ZNF251: variants seen among roughly 807,000 people sequenced by gnomAD.
ZNF251 encodes zinc finger protein 251.
Under a neutral mutation model 13.5 loss-of-function variants are expected in ZNF251, and 14 were observed. That is an observed-to-expected ratio of 1.04 (90% CI 0.69 to 1.63). ZNF251 has a LOEUF of 1.63. Among genes scored for constraint, ZNF251 ranks in the 40% most tolerant of loss-of-function variants. The probability of loss-of-function intolerance (pLI) is 0.00; values close to 1 mark genes in which losing one functional copy is unlikely to be tolerated. For missense variants in ZNF251, 764 were observed against 834.9 expected (o/e 0.92, Z 1.05); for synonymous variants, 287 against 295.2 (o/e 0.97, Z 0.28).
At chr8:144,746,506 T>G (rs1422203648) in intron 4 of ZNF251, among the ~76,000 whole-genome samples, 1 of 152,258 alleles carries the variant, frequency 6.6e-6, no homozygotes, top group African/African-American at 2.4e-5. Flanking sequence ...TGACCTCATA[T>G]GAGTTAGGAA....
intron 4 of ZNF251, among the ~76,000 whole-genome samples, chr8:144,728,794 T>TA (rs994573662): frequency 1.1e-4 from 17 of 149,404 alleles, no homozygotes; most frequent in African/African-American, 1.5e-4. Flanking sequence ...CTTCAATTTG[T>TA]AAAAAAAAAT....
Position 144,754,782 on chromosome 8 carries a change from C to T in ZNF251, c.-54G>A. The T allele has an allele frequency of 6.3e-7, 1 of 1,595,242 alleles. No individual in the cohort carries two copies. The highest frequency in any genetic ancestry group is 2.3e-5 in the East Asian group (1 of 44,208). ...AAGAGAAGACAGGAGACTGCCCTGG[C>T]CTGAAGTCTCCCCGAACTTACCTTC... On this transcript the variant is annotated 5_prime_UTR_variant, in exon 2 of 5. Coordinates refer to ENST00000292562, the MANE Select transcript of ZNF251 (RefSeq NM_138367.2).
intron 4 of ZNF251, among the ~76,000 whole-genome samples, chr8:144,733,539 A>G (rs112609328): frequency 0.031 from 4,687 of 152,226 alleles, 243 homozygotes; most frequent in African/African-American, 0.11. Flanking sequence ...AACCCCACCT[A>G]CACACAGCTG....
At chr8:144,737,953 T>C (rs1250914712) in intron 4 of ZNF251, among the ~76,000 whole-genome samples, 2 of 152,036 alleles carry the variant, frequency 1.3e-5, no homozygotes, top group Non-Finnish European at 2.9e-5. Context: ...GCAGATCCTA[T>C]TAATCGTTAA....
intron 4 of ZNF251, among the ~76,000 whole-genome samples, chr8:144,753,086 A>C (rs193190600): frequency 3.3e-5 from 5 of 152,138 alleles, no homozygotes; most frequent in Admixed American, 1.3e-4. Context: ...CAGTTTGGGC[A>C]ACGTGGTGAA....
At position 144,723,299 on chromosome 8, in the gene ZNF251, T is replaced by C. The variant is rs904912472; in HGVS notation, c.361A>G (p.Arg121Gly). ...TGTGCATTATCCCTTAAGAGTCTTC[T>C]TGATACAAATTCTGGGGTTTTTACT... ...EEVKTPEFVS[R>G]RLLRDNAQAA... is the part of the protein sequence containing the mutation. The change falls in exon 5 of 5, where the codon AGA (arginine) becomes GGA (glycine). Residue 121 changes from arginine to glycine, a missense_variant. Coordinates refer to ENST00000292562, the MANE Select transcript of ZNF251 (RefSeq NM_138367.2). 8.3e-6 allele frequency: 13 copies of C among 1,569,068 alleles called. No individual in the cohort carries two copies. Among genetic ancestry groups the C allele is most frequent in the African/African-American group, 2.8e-5 (2 of 72,552 alleles).
chr8:144,730,285 A>G (rs1823655978), intron 4 of ZNF251, among the ~76,000 whole-genome samples: 2 of 152,130 alleles, frequency 1.3e-5, no homozygotes, highest in African/African-American at 4.8e-5. Flanking sequence ...TAAGACAGCC[A>G]CGGAAAGCAC....
At chr8:144,737,212 C>A (rs1235623610) in intron 4 of ZNF251, among the ~76,000 whole-genome samples, 1 of 152,070 alleles carries the variant, frequency 6.6e-6, no homozygotes, top group Admixed American at 6.6e-5. Context: ...ATCCTCCCAC[C>A]TCAGCCTCCC....
At chr8:144,727,278 A>G (rs996683127) in intron 4 of ZNF251, among the ~76,000 whole-genome samples, 1 of 152,140 alleles carries the variant, frequency 6.6e-6, no homozygotes, top group African/African-American at 2.4e-5. Context: ...TAAACAATAC[A>G]ATTTGTGTAC....
intron 4 of ZNF251, among the ~76,000 whole-genome samples, chr8:144,751,377 G>A (rs1824685759): frequency 6.6e-6 from 1 of 151,924 alleles, no homozygotes; most frequent in Non-Finnish European, 1.5e-5. Context: ...TTATCACATT[G>A]TCTTTCTGAG....
intron 4 of ZNF251, among the ~76,000 whole-genome samples, chr8:144,739,290 A>G (rs571199510): frequency 4.7e-4 from 68 of 143,750 alleles, no homozygotes; most frequent in African/African-American, 1.7e-3. Context: ...CTAGGATCAC[A>G]AATCACGACT....
chr8:144,732,669 G>T (rs566276024), intron 4 of ZNF251, among the ~76,000 whole-genome samples: 1 of 152,040 alleles, frequency 6.6e-6, no homozygotes, highest in Non-Finnish European at 1.5e-5. Context: ...AAAATTAGCT[G>T]GGTGTGGTGG....
chr8:144,732,701 A>G (rs1282007135), intron 4 of ZNF251, among the ~76,000 whole-genome samples: 2 of 151,908 alleles, frequency 1.3e-5, no homozygotes, highest in South Asian at 2.1e-4. Flanking sequence ...AGTCCCAGCT[A>G]CTTGGGAGGC....
At position 144,753,665 on chromosome 8, in the gene ZNF251, C is replaced by T. The variant is rs1824809783; in HGVS notation, c.277+18G>A. 1 of 1,544,986 alleles carries T rather than the reference C, an allele frequency of 6.5e-7. No homozygotes were observed. On this transcript the variant is annotated intron_variant, in intron 4 of 4. Transcript: ENST00000292562. ...ATTGGGAGGCTGCTCCCAGGATTAG[C>T]ATCCCATCCATTCTCACCTTTCTGG...
intron 4 of ZNF251, among the ~76,000 whole-genome samples, chr8:144,744,322 C>T (rs770432262): frequency 3.3e-5 from 5 of 152,126 alleles, no homozygotes; most frequent in Non-Finnish European, 5.9e-5. Flanking sequence ...TTAATGAAGT[C>T]CAGCTTGTCA....
intron 4 of ZNF251, among the ~76,000 whole-genome samples, chr8:144,740,241 C>T (rs1041010387): frequency 9.2e-5 from 14 of 152,010 alleles, no homozygotes; most frequent in Admixed American, 2.6e-4. Context: ...GCCGAGATCG[C>T]GCCATTGCAC....
At chr8:144,735,592 T>C (rs936864587) in intron 4 of ZNF251, among the ~76,000 whole-genome samples, 8 of 151,942 alleles carry the variant, frequency 5.3e-5, no homozygotes, top group Non-Finnish European at 8.8e-5. Context: ...GAAAAAGCAC[T>C]GACGAGGTCA....
intron 4 of ZNF251, among the ~76,000 whole-genome samples, chr8:144,747,420 A>C (rs1192371638): frequency 6.6e-6 from 1 of 152,226 alleles, no homozygotes; most frequent in Non-Finnish European, 1.5e-5. Flanking sequence ...AGGAATGTGC[A>C]TTCTGCTATC....
intron 4 of ZNF251, among the ~76,000 whole-genome samples, chr8:144,735,052 G>A (rs1056642155): frequency 1.3e-5 from 2 of 149,760 alleles, no homozygotes; most frequent in Non-Finnish European, 3.0e-5. Flanking sequence ...CCAGCCAGGG[G>A]ACAAAGCAAG....
Sources: gnomAD v4.1 joint callset for allele counts (sites outside exome capture counted in the v4.1 genomes callset) on GRCh38, gnomAD v4.1.1 for gene constraint, MANE v1.5 for transcripts, NCBI Gene and HGNC (gene_info 2026-07-23, HGNC 2026-07-21) for gene names.